The following PTPRB variants were observed in gnomAD, a reference collection of about 807,000 sequenced individuals.
The protein encoded by PTPRB is protein tyrosine phosphatase receptor type B, also known as receptor-type tyrosine-protein phosphatase beta.
In PTPRB, 97 loss-of-function variants were observed where a neutral mutation model predicts 238.1. That is an observed-to-expected ratio of 0.41 (90% confidence interval 0.35 to 0.48). The LOEUF (loss-of-function observed/expected upper bound fraction) is 0.48. Ranked by LOEUF, PTPRB falls within the 20% of genes least tolerant of loss-of-function variation. The pLI is 0.30. For missense variants in PTPRB, 2,292 were observed against 2,681.9 expected (o/e 0.85, Z 3.21); for synonymous variants, 970 against 995.4 (o/e 0.97, Z 0.48).
intron 21 of PTPRB, among the ~76,000 whole-genome samples, chr12:70,546,070 G>A (rs1875919621): frequency 1.3e-5 from 2 of 151,442 alleles, no homozygotes; most frequent in African/African-American, 2.4e-5. Context: ...ATGGGAGGTG[G>A]AGGCTGCAGT....
chr12:70,560,788 C>T lies in PTPRB; in HGVS notation c.4315G>A (p.Asp1439Asn). The T allele has an allele frequency of 4.3e-6, 7 of 1,614,002 alleles. No homozygotes were observed. Among genetic ancestry groups the T allele is most frequent in the Non-Finnish European group, 5.9e-6 (7 of 1,179,892 alleles). Residue 1439 changes from aspartate to asparagine, a missense_variant, in exon 17 of 34, where the codon GAC becomes AAC. Coordinates refer to ENST00000334414, the MANE Select transcript of PTPRB (RefSeq NM_001109754.4). The surrounding 1 kb of genome is among the most constrained non-coding windows in gnomAD (Gnocchi z 4.2). ...AACCGCCACTCCGTCAGGTCCTTGTCTTTCCAGTTTTCCTTCTTTGTGCCA... is the reference window on the plus strand; with the variant it reads ...AACCGCCACTCCGTCAGGTCCTTGTTTTTCCAGTTTTCCTTCTTTGTGCCA... ...PNGTKKENWK[D>N]KDLTEWRFQG... is the part of the protein sequence containing the mutation.
intron 26 of PTPRB, 117 bp from the exon 27 acceptor site, chr12:70,539,131 A>G (rs748119968): frequency 1.2e-6 from 1 of 813,696 alleles, no homozygotes; most frequent in Non-Finnish European, 2.0e-6. Context: ...TTGTTTATGA[A>G]TGCCTAGTAC....
At chr12:70,610,415 C>A (rs1415568840) in intron 3 of PTPRB, among the ~76,000 whole-genome samples, 1 of 150,790 alleles carries the variant, frequency 6.6e-6, no homozygotes, top group African/African-American at 2.4e-5. Context: ...TCCCTCCACA[C>A]CCAGCGTCTC....
intron 9 of PTPRB, among the ~76,000 whole-genome samples, chr12:70,583,483 T>C (rs932656414): frequency 6.6e-6 from 1 of 152,090 alleles, no homozygotes; most frequent in Non-Finnish European, 1.5e-5. Flanking sequence ...CACTGCAGGA[T>C]ATTGGAGAAA....
intron 8 of PTPRB, among the ~76,000 whole-genome samples, chr12:70,587,482 A>C (rs907732046): frequency 3.9e-5 from 6 of 152,244 alleles, no homozygotes; most frequent in African/African-American, 1.4e-4. Flanking sequence ...ATCTTGCCAG[A>C]AGAGTCATTG....
At position 70,596,112 on chromosome 12, in the gene PTPRB, T is replaced by C; in HGVS notation, c.1195A>G (p.Ile399Val). The C allele has an allele frequency of 6.2e-7, 1 of 1,613,518 alleles. No individual in the cohort carries two copies. The highest frequency in any genetic ancestry group is 8.5e-7 in the Non-Finnish European group (1 of 1,179,570). ...FNLTAGSKYNIAITAVSGGKR... is the reference protein window; with the variant it reads ...FNLTAGSKYNVAITAVSGGKR... Reference sequence around the variant, plus strand: ...CCTCCAGAAACAGCTGTGATGGCAATATTGTATTTACTACCAGCAGTGAGA... The same window carrying C: ...CCTCCAGAAACAGCTGTGATGGCAACATTGTATTTACTACCAGCAGTGAGA... Residue 399 changes from isoleucine (I) to valine (V), a missense_variant, in exon 5 of 34, where the codon ATT (isoleucine) becomes GTT (valine). By Grantham distance (29) the Ile-to-Val change is conservative. Around this residue, in one of 4 missense-constraint regions of PTPRB, gnomAD observed 1,205 missense variants for 1,287.8 expected, o/e 0.94. Transcript: ENST00000334414.
At chr12:70,567,074 T>A (rs1314552261) in intron 14 of PTPRB, among the ~76,000 whole-genome samples, 3 of 152,246 alleles carry the variant, frequency 2.0e-5, no homozygotes, top group African/African-American at 7.2e-5. Flanking sequence ...TTATGTCTCT[T>A]GTTTAGACTT....
intron 29 of PTPRB, among the ~76,000 whole-genome samples, chr12:70,535,185 G>C (rs17814301): frequency 0.12 from 18,666 of 149,378 alleles, 1,361 homozygotes; most frequent in South Asian, 0.2. Context: ...CCAACCTTTG[G>C]GTTCACTCAT....
chr12:70,630,316 A>G (rs1251012172), intron 2 of PTPRB, among the ~76,000 whole-genome samples: 1 of 152,180 alleles, frequency 6.6e-6, no homozygotes, highest in Non-Finnish European at 1.5e-5. Flanking sequence ...AACAACAAAA[A>G]CCACATGATT....
chr12:70,556,239 G>C, intron 18 of PTPRB, 91 bp from the exon 19 acceptor site: 1 of 1,152,430 alleles, frequency 8.7e-7, no homozygotes, highest in Non-Finnish European at 1.2e-6. Context: ...CTGAGATCTA[G>C]GTATAGGAGG....
At chr12:70,537,621 CCAAAAAGGTGA>C (rs1455225764) in intron 28 of PTPRB, among the ~76,000 whole-genome samples, 1 of 151,886 alleles carries the variant, frequency 6.6e-6, no homozygotes, top group Non-Finnish European at 1.5e-5. Flanking sequence ...AAATGGAGGC[CCAAAAAGGTGA>C]CATAATGTGC....
chr12:70,615,088 G>C (rs1320546710), intron 3 of PTPRB, among the ~76,000 whole-genome samples: 1 of 152,058 alleles, frequency 6.6e-6, no homozygotes, highest in Non-Finnish European at 1.5e-5. Context: ...TGTCTAAAGG[G>C]CTCAATAAAT....
At chr12:70,604,177 G>C (rs565139509) in intron 4 of PTPRB, among the ~76,000 whole-genome samples, 2 of 152,144 alleles carry the variant, frequency 1.3e-5, no homozygotes, top group Admixed American at 1.3e-4. Flanking sequence ...GGAGGTCAAG[G>C]CTGCAGTGAG....
chr12:70,633,507 G>A (rs572128098), intron 2 of PTPRB, among the ~76,000 whole-genome samples: 1 of 152,184 alleles, frequency 6.6e-6, no homozygotes, highest in South Asian at 2.1e-4. Context: ...ATTTAAGATG[G>A]AGCAGAAAAA....
chr12:70,593,386 G>A (rs945426509), intron 6 of PTPRB, among the ~76,000 whole-genome samples: 1 of 151,850 alleles, frequency 6.6e-6, no homozygotes, highest in African/African-American at 2.4e-5. Context: ...GGTGGCAGGT[G>A]CCTGCAATCT....
At chr12:70,537,011 G>A (rs983402662) in intron 28 of PTPRB, among the ~76,000 whole-genome samples, 3 of 152,156 alleles carry the variant, frequency 2.0e-5, no homozygotes, top group Admixed American at 1.3e-4. Flanking sequence ...TCGGCCGGGC[G>A]CAGTGGCTCA....
In PTPRB at chr12:70,635,873, G is replaced by A; in HGVS notation, c.249C>T (p.Ile83=). 6.2e-7 allele frequency: 1 copy of A among 1,613,812 alleles called. No individual in the cohort carries two copies. The highest frequency in any genetic ancestry group is 8.5e-7 in the Non-Finnish European group (1 of 1,179,854). Residue 83 remains isoleucine, a synonymous_variant, in exon 2 of 34, where the codon ATC becomes ATT. Coordinates refer to ENST00000334414, the MANE Select transcript of PTPRB (RefSeq NM_001109754.4). ...NSSRGPSRSA[I]LDRCSQAPRW... Reference sequence around the variant, plus strand: ...GGGGTGCCTGGGAACAGCGGTCCAAGATGGCTGAGCGGGAGGGGCCGCGGG... The same window carrying A: ...GGGGTGCCTGGGAACAGCGGTCCAAAATGGCTGAGCGGGAGGGGCCGCGGG...
intron 6 of PTPRB, among the ~76,000 whole-genome samples, chr12:70,593,692 C>T (rs2717426): frequency 0.46 from 70,569 of 151,844 alleles, 17,099 homozygotes; most frequent in African/African-American, 0.61. Flanking sequence ...GTAAATGTAC[C>T]GGTGTCCTCA....
intron 4 of PTPRB, among the ~76,000 whole-genome samples, chr12:70,606,877 C>G (rs545124590): frequency 1.4e-4 from 21 of 152,300 alleles, no homozygotes; most frequent in African/African-American, 4.8e-4. Context: ...AACCATCATA[C>G]AAATACATGT....
Sources: gnomAD v4.1 joint callset for allele counts (sites outside exome capture counted in the v4.1 genomes callset) on GRCh38, gnomAD v4.1.1 for gene constraint, gnomAD v4.1.1 regional missense constraint, Gnocchi (gnomAD v3.1) non-coding constraint, MANE v1.5 for transcripts, NCBI Gene and HGNC (gene_info 2026-07-23, HGNC 2026-07-21) for gene names.